The following GRID2 variants were observed in gnomAD, a reference collection of about 807,000 sequenced individuals.
GRID2 encodes glutamate ionotropic receptor delta type subunit 2.
A neutral mutation model predicts 114.8 loss-of-function variants in GRID2; 33 were observed. The ratio of observed to expected loss-of-function variants is 0.29; its 90% CI spans 0.22 to 0.38. The LOEUF (loss-of-function observed/expected upper bound fraction) is 0.38, where lower values mean the gene tolerates loss of function less well. GRID2 is among the 10% of genes least tolerant of loss of function. GRID2 has a pLI of 1.00. For missense variants in GRID2, 1,184 were observed against 1,257.7 expected, an observed-to-expected ratio of 0.94 and a Z score of 0.89; for synonymous variants, 505 against 449.9, an observed-to-expected ratio of 1.12 and a Z score of -1.55.
intron 7 of GRID2, among the ~76,000 whole-genome samples, chr4:93,231,856 A>G (rs1027161000): frequency 3.3e-5 from 5 of 152,312 alleles, no homozygotes; most frequent in African/African-American, 9.6e-5. Flanking sequence ...AACCTTCTGC[A>G]TACAAGCAAA....
At chr4:93,504,837 G>A (rs756495801) in intron 12 of GRID2, among the ~76,000 whole-genome samples, 2 of 151,976 alleles carry the variant, frequency 1.3e-5, no homozygotes, top group Non-Finnish European at 2.9e-5. Flanking sequence ...TCTAAAAATG[G>A]AAGTAATATA....
At chr4:93,141,593 A>G (rs1434458757) in intron 4 of GRID2, among the ~76,000 whole-genome samples, 1 of 152,238 alleles carries the variant, frequency 6.6e-6, no homozygotes, top group Non-Finnish European at 1.5e-5. Flanking sequence ...TGTTGAAATG[A>G]TTACAAAAAT....
chr4:92,669,540 A>G (rs969343414), intron 2 of GRID2, among the ~76,000 whole-genome samples: 1 of 151,866 alleles, frequency 6.6e-6, no homozygotes, highest in Non-Finnish European at 1.5e-5. Flanking sequence ...GAGCAAACCA[A>G]CATGTAACAG....
chr4:93,458,407 G>A (rs746300596), intron 11 of GRID2, among the ~76,000 whole-genome samples: 1 of 152,084 alleles, frequency 6.6e-6, no homozygotes, highest in Non-Finnish European at 1.5e-5. Flanking sequence ...TGGTTGATGC[G>A]GTCTGTGGGC....
intron 8 of GRID2, among the ~76,000 whole-genome samples, chr4:93,363,643 T>C (rs990434378): frequency 6.6e-6 from 1 of 152,118 alleles, no homozygotes; most frequent in Non-Finnish European, 1.5e-5. Context: ...ATAGAACATA[T>C]GAATTTTGTT....
intron 1 of GRID2, among the ~76,000 whole-genome samples, chr4:92,481,989 T>G (rs1579441769): frequency 2.7e-5 from 1 of 36,428 alleles, no homozygotes; most frequent in Non-Finnish European, 5.5e-5. Flanking sequence ...GTGATATATA[T>G]ATATATATAT....
At chr4:93,527,977 G>A (rs1217659573) in intron 13 of GRID2, among the ~76,000 whole-genome samples, 4 of 151,724 alleles carry the variant, frequency 2.6e-5, no homozygotes, top group East Asian at 1.9e-4. Flanking sequence ...CTTTTTTGAC[G>A]GGCTTTCTTC....
Position 93,449,937 on chromosome 4 carries a change from A to G in GRID2, c.1546-5725A>G, listed in dbSNP as rs528162199. Among the ~76,000 whole-genome samples, 8 of 152,148 alleles carry G rather than the reference A, an allele frequency of 5.3e-5. No individual in the cohort carries two copies. In the East Asian group the frequency reaches 1.6e-3, roughly 30 times the overall value. ...AAAGAATGAAATTAAAGAGACAAAT[A>G]TAAAATCTAACATTTGCTTCAATTG... On this transcript the variant is annotated intron_variant, in intron 10 of 15. Transcript: ENST00000282020.
rs146439722 is a variant in GRID2 at position 93,760,400 on chromosome 4, T to C, written c.2361-8810T>C. ...TTGTGAATAAACCAGATCTGACCGA[T>C]TAAGTACTTTATCAAATTACCTTTT... On this transcript the variant is annotated intron_variant, in intron 14 of 15. Transcript: ENST00000282020. Among the ~76,000 whole-genome samples the C allele has an allele frequency of 3.6e-3, 544 of 152,340 alleles. 3 individuals carry two copies. The highest frequency in any genetic ancestry group is 5.6e-3 in the Non-Finnish European group (382 of 68,030).
chr4:92,905,210 G>T (rs549560059), intron 2 of GRID2, among the ~76,000 whole-genome samples: 1 of 151,888 alleles, frequency 6.6e-6, no homozygotes, highest in Non-Finnish European at 1.5e-5. Flanking sequence ...CTGAAAGTTA[G>T]TGCCACTCTA....
chr4:93,258,856 C>T (rs139515940), intron 8 of GRID2: 1 of 452,260 alleles, frequency 2.2e-6, no homozygotes, highest in South Asian at 1.6e-5. Flanking sequence ...AACACAACTA[C>T]TGCAAGATTC....
At chr4:93,265,929 A>G (rs890090277) in intron 8 of GRID2, among the ~76,000 whole-genome samples, 1 of 152,078 alleles carries the variant, frequency 6.6e-6, no homozygotes, top group African/African-American at 2.4e-5. Context: ...AATCATTTGT[A>G]TTCATTCATT....
intron 1 of GRID2, among the ~76,000 whole-genome samples, chr4:92,445,615 A>G (rs1733417079): frequency 6.6e-6 from 1 of 152,220 alleles, no homozygotes; most frequent in Admixed American, 6.5e-5. Context: ...CTTGAATCCA[A>G]TAACCCATGA....
chr4:92,710,784 A>C (rs1735206287), intron 2 of GRID2, among the ~76,000 whole-genome samples: 1 of 152,128 alleles, frequency 6.6e-6, no homozygotes, highest in African/African-American at 2.4e-5. Context: ...AATAAGAGTA[A>C]CCTTATTATG....
intron 2 of GRID2, among the ~76,000 whole-genome samples, chr4:92,668,585 T>A (rs528884551): frequency 6.6e-6 from 1 of 151,950 alleles, no homozygotes; most frequent in East Asian, 1.9e-4. Context: ...TAGATTTTAG[T>A]TGAGCAATCT....
chr4:93,376,017 C>G (rs1312797805), intron 8 of GRID2, among the ~76,000 whole-genome samples: 1 of 152,118 alleles, frequency 6.6e-6, no homozygotes, highest in East Asian at 1.9e-4. Context: ...ACATGGTCTT[C>G]TTTGCACCCG....
intron 8 of GRID2, among the ~76,000 whole-genome samples, chr4:93,310,479 T>A (rs965962677): frequency 3.9e-5 from 6 of 152,046 alleles, no homozygotes; most frequent in African/African-American, 1.2e-4. Context: ...TGCAGTGAAC[T>A]AAGATTGTGC....
At chr4:93,424,690 G>T (rs986425310) in intron 10 of GRID2, among the ~76,000 whole-genome samples, 1 of 152,058 alleles carries the variant, frequency 6.6e-6, no homozygotes, top group Non-Finnish European at 1.5e-5. Context: ...TGTGCTGAGA[G>T]TTCACTAAAC....
At chr4:93,442,334 A>G (rs2149393708) in intron 10 of GRID2, among the ~76,000 whole-genome samples, 1 of 152,170 alleles carries the variant, frequency 6.6e-6, no homozygotes, top group East Asian at 1.9e-4. Flanking sequence ...AGAAAATTGA[A>G]GAAGTCTCTA....
Sources: allele counts gnomAD v4.1 joint callset (sites outside exome capture counted in the v4.1 genomes callset), GRCh38; gene constraint gnomAD v4.1.1; transcripts MANE v1.5; gene names NCBI Gene and HGNC (gene_info 2026-07-23, HGNC 2026-07-21).